Variants in TSPAN9 observed in about 807,000 individuals in gnomAD.
TSPAN9 encodes the protein tetraspanin 9.
A neutral mutation model predicts 31.0 loss-of-function variants in TSPAN9; 16 were observed. The observed-to-expected ratio is 0.52, with a 90% CI of 0.35 to 0.78. The LOEUF is 0.78. TSPAN9 is among the 30% of genes least tolerant of loss of function. The pLI, the probability that TSPAN9 is intolerant of heterozygous loss-of-function variation, is 0.01. For synonymous variants in TSPAN9, 145 were observed against 121.6 expected, an observed-to-expected ratio of 1.19 and a Z score of -1.27; for missense variants, 272 against 312.5, an observed-to-expected ratio of 0.87 and a Z score of 0.98.
At position 3,270,690 on chromosome 12, in the gene TSPAN9, G is replaced by T. The variant is rs529558887; in HGVS notation, c.64-7731G>T. ...GGGGGCCAGGACTGCTGGTGACTGGGCATTTATCCCACCACGCAGGGCCCT... is the reference window on the plus strand; with the variant it reads ...GGGGGCCAGGACTGCTGGTGACTGGTCATTTATCCCACCACGCAGGGCCCT... On this transcript the variant is annotated intron_variant, in intron 3 of 8. Coordinates refer to ENST00000011898, the MANE Select transcript of TSPAN9 (RefSeq NM_006675.5). Among the ~76,000 whole-genome samples the T allele has an allele frequency of 1.0e-3, 152 of 152,382 alleles. 1 individual carries two copies. The South Asian group carries it at 0.026, about 26-fold the overall frequency.
rs752604418 is a variant in TSPAN9 at position 3,278,410 on chromosome 12, T to C, written c.64-11T>C. 1.2e-6 allele frequency: 2 copies of C among 1,613,956 alleles called. No individual in the cohort carries two copies. Among genetic ancestry groups the C allele is most frequent in the East Asian group, 2.2e-5 (1 of 44,878 alleles). ...GCAGCGCCAGGCTAATGGGCTTTCC[T>C]TCCTTTCCAGCTCTGTGGCTGTGGG... On this transcript the variant is annotated splice_polypyrimidine_tract_variant and intron_variant, in intron 3 of 8. Transcript: ENST00000011898.
At chr12:3,188,545 T>C (rs1242169875) in intron 2 of TSPAN9, among the ~76,000 whole-genome samples, 1 of 152,050 alleles carries the variant, frequency 6.6e-6, no homozygotes, top group African/African-American at 2.4e-5. Flanking sequence ...GGCTTCGGGC[T>C]GGCATTTCCT....
At chr12:3,239,224 A>G (rs1275536551) in intron 3 of TSPAN9, among the ~76,000 whole-genome samples, 4 of 151,626 alleles carry the variant, frequency 2.6e-5, no homozygotes, top group Non-Finnish European at 1.5e-5. Flanking sequence ...CCTGGTGGGT[A>G]GTGAGTGGTG....
intron 3 of TSPAN9, among the ~76,000 whole-genome samples, chr12:3,247,945 C>G (rs1056040126): frequency 6.6e-6 from 1 of 152,240 alleles, no homozygotes; most frequent in Non-Finnish European, 1.5e-5. Flanking sequence ...TCTGTGTGTG[C>G]ATGCCAGTGG....
chr12:3,094,354 C>T (rs930498415), intron 2 of TSPAN9, among the ~76,000 whole-genome samples: 1 of 152,124 alleles, frequency 6.6e-6, no homozygotes, highest in Non-Finnish European at 1.5e-5. Flanking sequence ...CCTTTTCTTT[C>T]TGTGGAAACT....
rs570206017 is a variant in TSPAN9, at chr12:3,141,690, G to A, written c.-18+57971G>A. Among the ~76,000 whole-genome samples the A allele has an allele frequency of 1.4e-4, 21 of 152,322 alleles. 1 individual carries two copies. The highest frequency in any genetic ancestry group is 4.1e-4 in the South Asian group (2 of 4,822). ...GGTGGCACCCCAGAGGCTGGGCTGC[G>A]CGGCCTCTGTGTTGTATCTTAGCTG... On this transcript the variant is annotated intron_variant, in intron 2 of 8. Coordinates refer to ENST00000011898, the MANE Select transcript of TSPAN9 (RefSeq NM_006675.5).
At chr12:3,261,098 G>A (rs1862441298) in intron 3 of TSPAN9, among the ~76,000 whole-genome samples, 1 of 152,180 alleles carries the variant, frequency 6.6e-6, no homozygotes, top group Non-Finnish European at 1.5e-5. Context: ...AAAGGGATGA[G>A]ACTGGGAACC....
intron 8 of TSPAN9, among the ~76,000 whole-genome samples, chr12:3,282,456 C>T (rs1862914103): frequency 6.6e-6 from 1 of 152,250 alleles, no homozygotes; most frequent in Non-Finnish European, 1.5e-5. Context: ...TGCGGTGGCG[C>T]CGTCATAGCT....
chr12:3,081,323 C>A (rs150102656), intron 1 of TSPAN9, among the ~76,000 whole-genome samples: 1 of 152,162 alleles, frequency 6.6e-6, no homozygotes, highest in Non-Finnish European at 1.5e-5. Context: ...CCGGTGCATT[C>A]GCCTGGCATT....
intron 3 of TSPAN9, among the ~76,000 whole-genome samples, chr12:3,254,382 A>G (rs1477072929): frequency 1.3e-5 from 2 of 152,196 alleles, no homozygotes; most frequent in Non-Finnish European, 2.9e-5. Flanking sequence ...GAAGCGAGGG[A>G]GAACTGCCCA....
intron 3 of TSPAN9, among the ~76,000 whole-genome samples, chr12:3,208,982 A>G (rs971615487): frequency 7.2e-5 from 11 of 152,210 alleles, no homozygotes; most frequent in Admixed American, 6.5e-4. Flanking sequence ...CATGCCTGTA[A>G]TCCTAGCACT....
chr12:3,252,131 G>A (rs1040583977), intron 3 of TSPAN9, among the ~76,000 whole-genome samples: 2 of 150,744 alleles, frequency 1.3e-5, no homozygotes, highest in Admixed American at 6.6e-5. Context: ...AGCGCCCCCC[G>A]CACTTAAAAC....
intron 2 of TSPAN9, among the ~76,000 whole-genome samples, chr12:3,131,548 GC>G (rs1197773311): frequency 2.0e-5 from 3 of 152,172 alleles, no homozygotes; most frequent in Admixed American, 2.0e-4. Flanking sequence ...ATCCTCTAAT[GC>G]TGATGAAAGC....
intron 2 of TSPAN9, among the ~76,000 whole-genome samples, chr12:3,141,117 G>GT (rs2098334621): frequency 6.6e-6 from 1 of 151,976 alleles, no homozygotes; most frequent in Middle Eastern, 3.2e-3. Context: ...CAAAGGAGAG[G>GT]TTTGAGTTTT....
chr12:3,268,917 CCTGTGTTCCTGCAGCCTGCCCTCT>C (rs1565639766), intron 3 of TSPAN9, among the ~76,000 whole-genome samples: 12 of 100,376 alleles, frequency 1.2e-4, no homozygotes, highest in African/African-American at 1.9e-4. Context: ...TGCAGCCTGC[CCTGTGTTCCTGCAGCCTGCCCTCT>C]CTGTGTTCCT....
rs772703511 is a variant in TSPAN9, at chr12:3,201,202, G to C, written c.9G>C (p.Arg3Ser). ...AATTTAAGAAGTGCAACATGGCCAG[G>C]GGCTGCCTCTGCTGCTTGAAGTACA... is the stretch of plus-strand genomic sequence containing the variant. Reference protein sequence around the residue: MARGCLCCLKYMM... With the variant: MASGCLCCLKYMM... The change falls in exon 3 of 9, where the codon AGG (arginine) becomes AGC (serine). Residue 3 changes from arginine (R) to serine (S), a missense_variant. Transcript: ENST00000011898. 1.2e-6 allele frequency: 2 copies of C among 1,614,126 alleles called. No homozygotes were observed.
chr12:3,262,593 C>T (rs1862470936), intron 3 of TSPAN9, among the ~76,000 whole-genome samples: 1 of 151,990 alleles, frequency 6.6e-6, no homozygotes, highest in African/African-American at 2.4e-5. Context: ...CTTTCCCCCT[C>T]CAGGTCTTGG....
chr12:3,280,614 C>A lies in TSPAN9; in HGVS notation c.432+131C>A. The A allele has an allele frequency of 1.2e-6, 1 of 807,762 alleles. No homozygotes were observed. Among genetic ancestry groups the A allele is most frequent in the Non-Finnish European group, 2.0e-6 (1 of 505,382 alleles). 50.0% of individuals were successfully genotyped at this position (807,762 alleles called of 1,614,324 possible). On this transcript the variant is annotated intron_variant, in intron 6 of 8. Transcript: ENST00000011898. The surrounding 1 kb of genome is among the most constrained non-coding windows in gnomAD (Gnocchi z 4.5). Reference sequence around the variant, plus strand: ...ATTTTAGCCGGGAGTGGAGTGGTACCCACGGGGGCATTTGCCTGAACTGCT... The same window carrying A: ...ATTTTAGCCGGGAGTGGAGTGGTACACACGGGGGCATTTGCCTGAACTGCT...
chr12:3,172,760 G>A lies in TSPAN9; in HGVS notation c.-17-28417G>A, dbSNP rs1256348642. Reference sequence around the variant, plus strand: ...AGCGAGGCTTTCTTCAGCTTTGGAGGCATGCTGGCTTCGTAATCAGCGTCA... The same window carrying A: ...AGCGAGGCTTTCTTCAGCTTTGGAGACATGCTGGCTTCGTAATCAGCGTCA... On this transcript the variant is annotated intron_variant, in intron 2 of 8. Coordinates refer to ENST00000011898, the MANE Select transcript of TSPAN9 (RefSeq NM_006675.5). The surrounding 1 kb of genome is among the most constrained non-coding windows in gnomAD (Gnocchi z 4.8). 6.6e-6 allele frequency: 1 copy of A among 152,276 alleles called. No homozygotes were observed. Among genetic ancestry groups the A allele is most frequent in the Non-Finnish European group, 1.5e-5 (1 of 68,064 alleles). The allele number at this position is 152,276 out of a possible 1,614,324, so 9.4% of individuals were successfully genotyped here.
Sources: allele counts gnomAD v4.1 joint callset (sites outside exome capture counted in the v4.1 genomes callset), GRCh38; gene constraint gnomAD v4.1.1; non-coding constraint Gnocchi (gnomAD v3.1); transcripts MANE v1.5; gene names NCBI Gene and HGNC (gene_info 2026-07-23, HGNC 2026-07-21).